Variants in ZNF597 observed in about 807,000 individuals in gnomAD.
ZNF597 encodes the protein zinc finger protein 597.
Under a neutral mutation model 7.3 loss-of-function variants are expected in ZNF597, and 5 were observed. The observed-to-expected ratio is 0.68, with a 90% CI of 0.36 to 1.44. The LOEUF is 1.44. ZNF597 is among the 40% of genes most tolerant of loss of function. ZNF597 has a pLI of 0.04. For synonymous variants in ZNF597, 209 were observed against 185.4 expected, an observed-to-expected ratio of 1.13 and a Z score of -1.04; for missense variants, 585 against 517.9, an observed-to-expected ratio of 1.13 and a Z score of -1.26.
chr16:3,443,346 AG>A lies in ZNF597; in HGVS notation c.-54+13del, dbSNP rs1567355824. On this transcript the variant is annotated intron_variant, in intron 1 of 3. Transcript: ENST00000301744. ...CTCCTCCTCTTGGCCCGGCCTCGAA[AG>A]GGGCCCACTTACCGCTCCGCGGTTA... The A allele has an allele frequency of 5.0e-6, 3 of 599,964 alleles. No individual in the cohort carries two copies. The Admixed American group carries it at 1.0e-4, about 20-fold the overall frequency. The allele number at this position is 599,964 out of a possible 1,614,324, so 37.2% of individuals were successfully genotyped here. A position where few individuals can be genotyped will look rare whatever the true frequency, so the allele number is the denominator to read the frequency against.
intron 2 of ZNF597, 34 bp downstream of exon 2, chr16:3,443,087 A>C (rs780850534): frequency 1.7e-5 from 27 of 1,614,014 alleles, no homozygotes; most frequent in Non-Finnish European, 3.4e-6. Context: ...CGAAAGCAGC[A>C]ATAAACTTGG....
rs746124003 is a variant in ZNF597, at chr16:3,437,467, C to G, written c.232G>C (p.Glu78Gln). Residue 78 changes from glutamate (E) to glutamine (Q), a missense_variant, in exon 4 of 4, where the codon GAA becomes CAA. Glu to Gln is a conservative substitution (Grantham distance 29). Transcript: ENST00000301744. Reference protein sequence around the residue: ...ESMELDELALEKYPIAAPLVP... With the variant: ...ESMELDELALQKYPIAAPLVP... ...AGGGGTGCAGCAATGGGGTACTTTT[C>G]TAAGGCAAGCTCGTCAAGTTCCATA... 1.2e-6 allele frequency: 2 copies of G among 1,614,050 alleles called. No homozygotes were observed. Among genetic ancestry groups the G allele is most frequent in the African/African-American group, 2.7e-5 (2 of 74,912 alleles).
chr16:3,436,590 T>A lies in ZNF597; in HGVS notation c.1109A>T (p.Lys370Met), dbSNP rs781258168. 74 of 1,608,018 alleles carry A rather than the reference T, an allele frequency of 4.6e-5. No homozygotes were observed. The East Asian group carries it at 1.6e-3, about 35-fold the overall frequency. ...QNIHTEERPH[K>M]CKTCEESFAL... ...AAAACTTTCCTCGCATGTTTTGCAC[T>A]TATGGGGCCTTTCCTCTGTATGAAT... The change falls in exon 4 of 4, where the codon AAG becomes ATG. Residue 370 changes from lysine to methionine, a missense_variant. Transcript: ENST00000301744.
At chr16:3,441,070 G>A (rs1875726541) in intron 2 of ZNF597, 137 bp from the exon 3 acceptor site, 17 of 1,221,888 alleles carry the variant, frequency 1.4e-5, no homozygotes, top group Non-Finnish European at 1.9e-5. Context: ...GAGCGCAGAA[G>A]TAGGGCAAAT....
At chr16:3,440,745 G>C in intron 3 of ZNF597, 62 bp downstream of exon 3, 1 of 1,598,050 alleles carries the variant, frequency 6.3e-7, no homozygotes, top group Non-Finnish European at 8.5e-7. Flanking sequence ...TCTGGATAAA[G>C]CATGAAGTTC....
intron 3 of ZNF597, among the ~76,000 whole-genome samples, chr16:3,439,518 G>A (rs1490934153): frequency 6.6e-6 from 1 of 152,094 alleles, no homozygotes; most frequent in Non-Finnish European, 1.5e-5. Flanking sequence ...CAGCCAAAGT[G>A]GAAAGACATA....
Position 3,443,409 on chromosome 16 carries a change from A to AAGCGACGCCCG in ZNF597, c.-114_-104dup. On this transcript the variant is annotated 5_prime_UTR_variant, in exon 1 of 4. The change abolishes the stop of an existing upstream ORF in the 5' untranslated region. Transcript: ENST00000301744. ...CGCGCTCCCTGACAGGAGCTGCAGA[A>AAGCGACGCCCG]AGCGACGCCCGACCGAGACGCGACG... 1 of 526,286 alleles carries AAGCGACGCCCG rather than the reference A, an allele frequency of 1.9e-6. No homozygotes were observed. Among genetic ancestry groups the AAGCGACGCCCG allele is most frequent in the Non-Finnish European group, 3.3e-6 (1 of 301,398 alleles). The allele number at this position is 526,286 out of a possible 1,614,324, so 32.6% of individuals were successfully genotyped here.
chr16:3,438,479 C>A (rs958897390), intron 3 of ZNF597, among the ~76,000 whole-genome samples: 3 of 151,764 alleles, frequency 2.0e-5, no homozygotes, highest in Admixed American at 2.0e-4. Flanking sequence ...AGGAGAATGG[C>A]GTGAACCCAG....
At chr16:3,443,083 C>T (rs2034416123) in intron 2 of ZNF597, 38 bp downstream of exon 2, 1 of 1,613,942 alleles carries the variant, frequency 6.2e-7, no homozygotes, top group Non-Finnish European at 8.5e-7. Flanking sequence ...AGACCGAAAG[C>T]AGCAATAAAC....
chr16:3,440,367 G>A (rs1376867172), intron 3 of ZNF597, among the ~76,000 whole-genome samples: 2 of 152,208 alleles, frequency 1.3e-5, no homozygotes, highest in Non-Finnish European at 2.9e-5. Context: ...CGGGCTCAGT[G>A]GCTCATGCCT....
Position 3,437,004 on chromosome 16 carries a change from T to C in ZNF597, c.695A>G (p.Asn232Ser). Residue 232 changes from asparagine to serine, a missense_variant, in exon 4 of 4, where the codon AAT becomes AGT. Physicochemically the swap from Asn to Ser is conservative, Grantham distance 46 (BLOSUM62 1). Coordinates refer to ENST00000301744, the MANE Select transcript of ZNF597 (RefSeq NM_152457.3). ...RQHSHLSRHMNSHVKEKPYTC... is the reference protein window; with the variant it reads ...RQHSHLSRHMSSHVKEKPYTC... ...ATAGGGCTTCTCCTTTACGTGGCTA[T>C]TCATGTGTCGGGATAGATGAGAGTG... is the stretch of plus-strand genomic sequence containing the variant. 1 of 1,614,184 alleles carries C rather than the reference T, an allele frequency of 6.2e-7. No individual in the cohort carries two copies. The highest frequency in any genetic ancestry group is 8.5e-7 in the Non-Finnish European group (1 of 1,180,038).
intron 3 of ZNF597, among the ~76,000 whole-genome samples, 154 bp downstream of exon 3, chr16:3,440,653 A>G (rs533598412): frequency 3.3e-5 from 5 of 152,024 alleles, no homozygotes; most frequent in Non-Finnish European, 7.4e-5. Flanking sequence ...AAATCATCTC[A>G]TATTTTAAAA....
In ZNF597 at chr16:3,443,143, A is replaced by G; in HGVS notation, c.11T>C (p.Met4Thr). Residue 4 changes from methionine (M) to threonine (T), a missense_variant, in exon 2 of 4, where the codon ATG becomes ACG. Met to Thr is a moderately conservative substitution (Grantham distance 81, BLOSUM62 -1). Transcript: ENST00000301744. MAS[M>T]PPTPEAQGPI... ...CACCTGGGCCTCGGGCGTCGGGGGC[A>G]TGGACGCCATTTGGCGGGTGGGGAA... The G allele has an allele frequency of 1.9e-6, 3 of 1,613,598 alleles. No homozygotes were observed. Among genetic ancestry groups the G allele is most frequent in the Non-Finnish European group, 2.5e-6 (3 of 1,179,766 alleles).
In ZNF597 at chr16:3,440,870, G is replaced by A. The variant is rs1045328136; in HGVS notation, c.97C>T (p.Pro33Ser). The A allele has an allele frequency of 2.1e-5, 34 of 1,613,932 alleles. No homozygotes were observed. The highest frequency in any genetic ancestry group is 2.7e-5 in the Non-Finnish European group (32 of 1,179,974). The change falls in exon 3 of 4, where the codon CCT (proline) becomes TCT (serine). Residue 33 changes from proline to serine, a missense_variant. Transcript: ENST00000301744. Reference sequence around the variant, plus strand: ...TCTTTGCTGAGGGACCTCTGGGCAGGGTGCAGAGTCACGCACTCCTCTTGA... The same window carrying A: ...TCTTTGCTGAGGGACCTCTGGGCAGAGTGCAGAGTCACGCACTCCTCTTGA... ...FSQEECVTLH[P>S]AQRSLSKDGT...
chr16:3,436,606 C>T lies in ZNF597; in HGVS notation c.1093G>A (p.Glu365Lys), dbSNP rs536364792. 3 of 1,605,904 alleles carry T rather than the reference C, an allele frequency of 1.9e-6. No individual in the cohort carries two copies. The South Asian group carries it at 3.3e-5, about 18-fold the overall frequency. The change falls in exon 4 of 4, where the codon GAG becomes AAG. Residue 365 changes from glutamate (E) to lysine (K), a missense_variant. Coordinates refer to ENST00000301744, the MANE Select transcript of ZNF597 (RefSeq NM_152457.3). ...GTTTTGCACTTATGGGGCCTTTCCT[C>T]TGTATGAATGTTCTGATGGGAAATA... ...ELISHQNIHT[E>K]ERPHKCKTCE...
At position 3,443,450 on chromosome 16, in the gene ZNF597, A is replaced by C. The variant is rs1215258781; in HGVS notation, c.-144T>G. 3.9e-6 allele frequency: 2 copies of C among 517,874 alleles called. No individual in the cohort carries two copies. The highest frequency in any genetic ancestry group is 3.4e-5 in the East Asian group (1 of 29,834). The allele number at this position is 517,874 out of a possible 1,614,324, so 32.1% of individuals were successfully genotyped here. On this transcript the variant is annotated 5_prime_UTR_variant, in exon 1 of 4. Transcript: ENST00000301744. ...AGACGCGACGAAGAACGCCACGGCCACTGCAAAACTCCCACGCTCTCATGC... is the reference window on the plus strand; with the variant it reads ...AGACGCGACGAAGAACGCCACGGCCCCTGCAAAACTCCCACGCTCTCATGC...
Position 3,437,035 on chromosome 16 carries a change from G to A in ZNF597, c.664C>T (p.Arg222Cys), listed in dbSNP as rs534114564. The A allele has an allele frequency of 2.1e-5, 34 of 1,614,128 alleles. No individual in the cohort carries two copies. Among genetic ancestry groups the A allele is most frequent in the South Asian group, 3.3e-5 (3 of 91,084 alleles). Residue 222 changes from arginine to cysteine, a missense_variant, in exon 4 of 4, where the codon CGC (arginine) becomes TGC (cysteine). Transcript: ENST00000301744. ...TGTCGGGATAGATGAGAGTGCTGGCGAAAGCTGGCACTGCACTTGGCACAC... is the reference window on the plus strand; with the variant it reads ...TGTCGGGATAGATGAGAGTGCTGGCAAAAGCTGGCACTGCACTTGGCACAC... Reference protein sequence around the residue: ...YKCAKCSASFRQHSHLSRHMN... With the variant: ...YKCAKCSASFCQHSHLSRHMN...
chr16:3,436,713 C>A lies in ZNF597; in HGVS notation c.986G>T (p.Gly329Val), dbSNP rs577869630. 79 of 1,614,094 alleles carry A rather than the reference C, an allele frequency of 4.9e-5. No individual in the cohort carries two copies. In the East Asian group the frequency reaches 1.8e-3, roughly 36 times the overall value. ...TTTTGAGAATGAGAAGAAATTGTCC[C>A]CATCATCGCTGCAGCGTTCAGAGTC... ...DEDSERCSDD[G>V]DNFFSFSKFK... Residue 329 changes from glycine to valine, a missense_variant, in exon 4 of 4, where the codon GGG becomes GTG. Transcript: ENST00000301744.
intron 3 of ZNF597, 41 bp from the exon 4 acceptor site, chr16:3,437,579 C>A: frequency 6.5e-7 from 1 of 1,540,290 alleles, no homozygotes; most frequent in Non-Finnish European, 8.7e-7. Flanking sequence ...TAGACAATAT[C>A]TTCAAGGGAT....
Sources: allele counts gnomAD v4.1 joint callset (sites outside exome capture counted in the v4.1 genomes callset), GRCh38; gene constraint gnomAD v4.1.1; transcripts MANE v1.5; gene names NCBI Gene and HGNC (gene_info 2026-07-23, HGNC 2026-07-21).